Variants in CCDC38 observed in about 807,000 individuals in gnomAD.
The protein encoded by CCDC38 is coiled-coil domain-containing protein 38.
In CCDC38, 69 loss-of-function variants were observed where a neutral mutation model predicts 72.8. The observed-to-expected ratio is 0.95, with a 90% CI of 0.78 to 1.16. The LOEUF (loss-of-function observed/expected upper bound fraction) is 1.16. Ranked by LOEUF, CCDC38 falls within the 50% of genes most tolerant of loss-of-function variation. The pLI, the probability that CCDC38 is intolerant of heterozygous loss-of-function variation, is 0.00. For missense variants in CCDC38, 626 were observed against 638.9 expected, an observed-to-expected ratio of 0.98 and a Z score of 0.22; for synonymous variants, 201 against 213.2, an observed-to-expected ratio of 0.94 and a Z score of 0.50.
intron 2 of CCDC38, chr12:95,919,401 A>G (rs950350984): frequency 1.5e-5 from 6 of 399,924 alleles, no homozygotes; most frequent in Non-Finnish European, 3.0e-5. Context: ...CTATTGTTAC[A>G]GGGCATACTT....
intron 14 of CCDC38, among the ~76,000 whole-genome samples, chr12:95,871,621 G>A (rs1242260298): frequency 6.6e-6 from 1 of 152,196 alleles, no homozygotes; most frequent in African/African-American, 2.4e-5. Flanking sequence ...GTAAGCATGT[G>A]GGGGATGGGT....
chr12:95,879,268 T>G lies in CCDC38; in HGVS notation c.1142+376A>C. ...AGAGTCACAGCCAATGAAAATACAT[T>G]TGTTAGCATTATCATCCACAGCATG... On this transcript the variant is annotated intron_variant, in intron 12 of 15. Coordinates refer to ENST00000344280, the MANE Select transcript of CCDC38 (RefSeq NM_182496.3). The surrounding 1 kb of genome is among the most constrained non-coding windows in gnomAD (Gnocchi z 5.5). 6.6e-6 allele frequency among the ~76,000 whole-genome samples: 1 copy of G among 152,230 alleles called. No individual in the cohort carries two copies. Among genetic ancestry groups the G allele is most frequent in the East Asian group, 1.9e-4 (1 of 5,202 alleles).
rs980196399 is a variant in CCDC38, at chr12:95,881,359, A to G, written c.990+126T>C. ...TATCCAATTGGAGAATAGTATCAAA[A>G]TTATATTTCTTTCTGGAAGGTTTGT... is the stretch of plus-strand genomic sequence containing the variant. On this transcript the variant is annotated intron_variant, in intron 11 of 15. Coordinates refer to ENST00000344280, the MANE Select transcript of CCDC38 (RefSeq NM_182496.3). 6 of 661,778 alleles carry G rather than the reference A, an allele frequency of 9.1e-6. No homozygotes were observed. The African/African-American group carries it at 1.1e-4, about 13-fold the overall frequency. 41.0% of individuals were successfully genotyped at this position (661,778 alleles called of 1,614,324 possible).
intron 10 of CCDC38, chr12:95,885,781 A>G (rs1329680897): frequency 6.9e-6 from 1 of 145,980 alleles, no homozygotes; most frequent in Non-Finnish European, 1.5e-5. Flanking sequence ...ACTATCCACG[A>G]GTCACTGCAT....
chr12:95,919,518 T>A (rs998897749), intron 2 of CCDC38: 1 of 456,072 alleles, frequency 2.2e-6, no homozygotes. Context: ...AGGCCATGTT[T>A]AGTTTGCTTT....
At chr12:95,903,381 T>C (rs6538683) in intron 5 of CCDC38, 165,760 of 691,402 alleles carry the variant, frequency 0.24, 21,032 homozygotes, top group South Asian at 0.34. Context: ...TCTTTCATTT[T>C]TTTTTCTTGT....
intron 2 of CCDC38, chr12:95,934,698 T>TA (rs2080373081): frequency 1.4e-5 from 1 of 71,074 alleles, no homozygotes. Context: ...ATTCACGACA[T>TA]CAAAAAAAAA....
At chr12:95,928,985 T>C (rs1417342599) in intron 2 of CCDC38, among the ~76,000 whole-genome samples, 1 of 152,036 alleles carries the variant, frequency 6.6e-6, no homozygotes, top group Non-Finnish European at 1.5e-5. Flanking sequence ...GTTACTGCTG[T>C]CTTTTTGTTT....
intron 10 of CCDC38, among the ~76,000 whole-genome samples, chr12:95,884,521 G>C (rs972870928): frequency 1.3e-5 from 2 of 152,232 alleles, no homozygotes; most frequent in South Asian, 2.1e-4. Flanking sequence ...ATACAGGTTT[G>C]TGTTAGTTTC....
chr12:95,872,155 C>A (rs2079587185), intron 14 of CCDC38, 100 bp downstream of exon 14: 2 of 1,023,596 alleles, frequency 2.0e-6, no homozygotes, highest in Admixed American at 3.8e-5. Context: ...CTCACTGTGT[C>A]CCTATAATAT....
chr12:95,888,362 T>C (rs888579505), intron 10 of CCDC38, 96 bp downstream of exon 10: 6 of 1,072,186 alleles, frequency 5.6e-6, no homozygotes, highest in Non-Finnish European at 7.2e-6. Flanking sequence ...ACAACAGTTA[T>C]GGGTACATGA....
At chr12:95,908,456 A>G (rs1341184099) in intron 4 of CCDC38, among the ~76,000 whole-genome samples, 1 of 22 alleles carries the variant, frequency 0.045, no homozygotes, top group South Asian at 0.25. Context: ...AGGGAGAGGG[A>G]GAGGGAGAGG....
chr12:95,933,450 C>T (rs980410084), intron 2 of CCDC38: 2 of 152,118 alleles, frequency 1.3e-5, no homozygotes, highest in Admixed American at 6.5e-5. Context: ...TGTTCAACTT[C>T]ATTAGTTATC....
chr12:95,878,864 T>A (rs10507066), intron 12 of CCDC38, among the ~76,000 whole-genome samples: 19,931 of 152,218 alleles, frequency 0.13, 1,777 homozygotes, highest in Non-Finnish European at 0.19. Flanking sequence ...GATACAAGGA[T>A]TAAAAAGTCT....
At chr12:95,886,449 G>T (rs2079760198) in intron 10 of CCDC38, among the ~76,000 whole-genome samples, 1 of 152,022 alleles carries the variant, frequency 6.6e-6, no homozygotes. Context: ...AACTATAAAA[G>T]AAAAAATTCA....
chr12:95,907,725 A>T (rs193069300), intron 4 of CCDC38, among the ~76,000 whole-genome samples: 2 of 138,534 alleles, frequency 1.4e-5, no homozygotes, highest in Non-Finnish European at 3.1e-5. Context: ...CTTCTCAGAC[A>T]GGGCGGTTGC....
In CCDC38 at chr12:95,916,584, A is replaced by G. The variant is rs80003027; in HGVS notation, c.304+545T>C. On this transcript the variant is annotated intron_variant, in intron 4 of 15. Coordinates refer to ENST00000344280, the MANE Select transcript of CCDC38 (RefSeq NM_182496.3). ...CACTACTTGGTTTGACAAGTAGGAT[A>G]CCCCCTACTTGTCATTTTTGATAAT... Among the ~76,000 whole-genome samples the G allele has an allele frequency of 4.3e-3, 659 of 151,940 alleles. 27 individuals carry two copies. The East Asian group carries it at 0.11, about 24-fold the overall frequency.
rs1021347356 is a variant in CCDC38 at position 95,917,377 on chromosome 12, C to A, written c.139-83G>T. The stretch of plus-strand genomic sequence containing the variant: ...AATTAGTGATTATATATAAAAATAA[C>A]ATTTGCAACAAAAATCTTAACATTA... On this transcript the variant is annotated intron_variant, in intron 3 of 15. Coordinates refer to ENST00000344280, the MANE Select transcript of CCDC38 (RefSeq NM_182496.3). 2.6e-6 allele frequency: 3 copies of A among 1,139,232 alleles called. No homozygotes were observed. In the Admixed American group the frequency reaches 9.1e-5, roughly 35 times the overall value. 70.6% of individuals were successfully genotyped at this position (1,139,232 alleles called of 1,614,324 possible).
At chr12:95,899,356 G>A (rs1196169240) in intron 5 of CCDC38, among the ~76,000 whole-genome samples, 2 of 152,266 alleles carry the variant, frequency 1.3e-5, no homozygotes, top group East Asian at 1.9e-4. Context: ...GGAGTGCAGT[G>A]GGGTGATCTT....
Sources: allele counts gnomAD v4.1 joint callset (sites outside exome capture counted in the v4.1 genomes callset), GRCh38; gene constraint gnomAD v4.1.1; non-coding constraint Gnocchi (gnomAD v3.1); transcripts MANE v1.5; gene names NCBI Gene and HGNC (gene_info 2026-07-23, HGNC 2026-07-21).